NPAS3: variants seen among roughly 807,000 people sequenced by gnomAD.
The protein encoded by NPAS3 is neuronal PAS domain protein 3.
NPAS3 carries 14 observed loss-of-function variants against 73.1 expected under a neutral mutation model. That is an observed-to-expected ratio of 0.19 (90% CI 0.13 to 0.30). NPAS3 has a LOEUF of 0.30. Among genes scored for constraint, NPAS3 ranks in the 10% least tolerant of loss-of-function variants. The pLI, the probability that NPAS3 is intolerant of heterozygous loss-of-function variation, is 1.00. For missense variants in NPAS3, 1,096 were observed against 1,250.0 expected (o/e 0.88, Z 1.86); for synonymous variants, 620 against 541.5 (o/e 1.14, Z -2.01).
At chr14:33,523,341 G>A (rs1478752392) in intron 4 of NPAS3, among the ~76,000 whole-genome samples, 1 of 150,132 alleles carries the variant, frequency 6.7e-6, no homozygotes, top group South Asian at 2.1e-4. Context: ...TTACTGTAGA[G>A]AAAGGAGAAA....
chr14:33,688,409 C>G (rs1012039968), intron 6 of NPAS3, among the ~76,000 whole-genome samples: 1 of 152,120 alleles, frequency 6.6e-6, no homozygotes, highest in Admixed American at 6.6e-5. Context: ...AAGAGAAACT[C>G]TTACTAATAC....
intron 5 of NPAS3, among the ~76,000 whole-genome samples, chr14:33,561,478 T>G (rs1013554162): frequency 6.6e-6 from 1 of 152,240 alleles, no homozygotes; most frequent in South Asian, 2.1e-4. Flanking sequence ...TAATTCTATT[T>G]TATGTGGACT....
At chr14:33,149,210 A>G (rs1001689033) in intron 2 of NPAS3, among the ~76,000 whole-genome samples, 1 of 152,212 alleles carries the variant, frequency 6.6e-6, no homozygotes, top group Non-Finnish European at 1.5e-5. Flanking sequence ...TCCATAAGGT[A>G]TGTAAAGGAA....
chr14:33,575,437 A>AGG (rs2056396555), intron 5 of NPAS3, among the ~76,000 whole-genome samples: 1 of 152,174 alleles, frequency 6.6e-6, no homozygotes, highest in Non-Finnish European at 1.5e-5. Flanking sequence ...GCCCATATGA[A>AGG]GTAGTTTTGC....
At chr14:33,434,324 T>G (rs1433122711) in intron 4 of NPAS3, among the ~76,000 whole-genome samples, 2 of 151,860 alleles carry the variant, frequency 1.3e-5, no homozygotes, top group Admixed American at 1.3e-4. Context: ...CCTAGGAATT[T>G]GAGACCAGCC....
At chr14:33,401,201 T>G (rs778533549) in intron 4 of NPAS3, among the ~76,000 whole-genome samples, 7 of 152,172 alleles carry the variant, frequency 4.6e-5, no homozygotes, top group Non-Finnish European at 1.0e-4. Context: ...AGCTGATAAG[T>G]CTGAAAATTG....
chr14:33,203,974 C>T (rs1262090052), intron 2 of NPAS3, among the ~76,000 whole-genome samples: 1 of 152,172 alleles, frequency 6.6e-6, no homozygotes, highest in Non-Finnish European at 1.5e-5. Flanking sequence ...ACATCCTCTC[C>T]AGCACCTGTT....
intron 4 of NPAS3, among the ~76,000 whole-genome samples, chr14:33,491,712 T>C (rs2051908956): frequency 6.6e-6 from 1 of 152,218 alleles, no homozygotes; most frequent in East Asian, 1.9e-4. Flanking sequence ...TATGTTACTC[T>C]GCACTATAAT....
intron 4 of NPAS3, among the ~76,000 whole-genome samples, chr14:33,528,874 T>A (rs1023791274): frequency 6.6e-6 from 1 of 152,142 alleles, no homozygotes; most frequent in African/African-American, 2.4e-5. Context: ...ATCATTTAAT[T>A]CTCACAGCAG....
intron 5 of NPAS3, among the ~76,000 whole-genome samples, chr14:33,657,957 C>T (rs1035363543): frequency 4.6e-5 from 7 of 152,308 alleles, no homozygotes; most frequent in East Asian, 3.9e-4. Context: ...GCACGCTCCT[C>T]GAAGCTCCTA....
chr14:33,222,996 C>T (rs1224814825), intron 3 of NPAS3, among the ~76,000 whole-genome samples: 3 of 152,214 alleles, frequency 2.0e-5, no homozygotes, highest in East Asian at 3.9e-4. Context: ...CCCCCATCAA[C>T]GTGGTTCTCC....
chr14:33,165,832 A>G (rs540006089), intron 2 of NPAS3, among the ~76,000 whole-genome samples: 3 of 152,230 alleles, frequency 2.0e-5, no homozygotes, highest in Non-Finnish European at 4.4e-5. Context: ...TATTCAGCCT[A>G]GGCTTATAGG....
chr14:33,218,944 T>G (rs1247879503), intron 3 of NPAS3, among the ~76,000 whole-genome samples: 2 of 152,028 alleles, frequency 1.3e-5, no homozygotes, highest in Admixed American at 1.3e-4. Context: ...CAGGTGACAG[T>G]ATGTAATATG....
At chr14:33,745,344 C>G (rs899984800) in intron 7 of NPAS3, among the ~76,000 whole-genome samples, 3 of 152,214 alleles carry the variant, frequency 2.0e-5, no homozygotes, top group Admixed American at 6.5e-5. Flanking sequence ...CTCAAAATTA[C>G]TCTACTGAAG....
rs530699133 is a variant in NPAS3, at chr14:33,470,835, T to C, written c.469-89286T>C. On this transcript the variant is annotated intron_variant, in intron 4 of 11. Coordinates refer to ENST00000356141, the Ensembl canonical transcript of NPAS3. ...ACACTTTAAGAAAGATGGTGACCAT[T>C]TCAGAGATATTCTATTTACTGAGCA... 6.2e-4 allele frequency among the ~76,000 whole-genome samples: 94 copies of C among 152,166 alleles called. 1 individual carries two copies. Among genetic ancestry groups the C allele is most frequent in the Admixed American group, 2.1e-3 (32 of 15,286 alleles).
At chr14:33,066,560 G>T (rs1324845532) in intron 2 of NPAS3, among the ~76,000 whole-genome samples, 4 of 152,194 alleles carry the variant, frequency 2.6e-5, no homozygotes, top group Admixed American at 1.3e-4. Flanking sequence ...ACAAGAGTCT[G>T]GTGGCAAGTT....
intron 3 of NPAS3, among the ~76,000 whole-genome samples, chr14:33,355,900 T>C (rs1277932276): frequency 1.3e-5 from 2 of 152,182 alleles, no homozygotes; most frequent in African/African-American, 4.8e-5. Flanking sequence ...GAGATGTGCA[T>C]GTGTTGTTGC....
Position 33,399,660 on chromosome 14 carries a change from T to G in NPAS3, c.468+32392T>G, listed in dbSNP as rs543042768. 6.1e-4 allele frequency among the ~76,000 whole-genome samples: 36 copies of G among 59,416 alleles called. No homozygotes were observed. In the South Asian group the frequency reaches 7.2e-3, roughly 12 times the overall value. 39.0% of individuals were successfully genotyped at this position (59,416 alleles called of 152,430 possible). The stretch of plus-strand genomic sequence containing the variant: ...TTGATTAGTTGTAGATGAAGCTGGG[T>G]TTTTTTTTTTTCTTTATGCCACAGA... On this transcript the variant is annotated intron_variant, in intron 4 of 11. Transcript: ENST00000356141.
intron 3 of NPAS3, among the ~76,000 whole-genome samples, chr14:33,331,448 G>T (rs1013794373): frequency 2.0e-5 from 3 of 152,016 alleles, no homozygotes; most frequent in Non-Finnish European, 4.4e-5. Context: ...ATATCCTTAG[G>T]GACCATTGGA....
Sources: gnomAD v4.1 joint callset for allele counts (sites outside exome capture counted in the v4.1 genomes callset) on GRCh38, gnomAD v4.1.1 for gene constraint, MANE v1.5 for transcripts, NCBI Gene and HGNC (gene_info 2026-07-23, HGNC 2026-07-21) for gene names.